The following THOC1 variants were observed in gnomAD, a reference collection of about 807,000 sequenced individuals.
THOC1 encodes THO complex 1.
THOC1 carries 29 observed loss-of-function variants against 97.3 expected under a neutral mutation model. The observed-to-expected ratio is 0.30, with a 90% CI of 0.22 to 0.41. THOC1 has a LOEUF of 0.41. THOC1 is among the 10% of genes least tolerant of loss of function. THOC1 has a pLI of 1.00. For missense variants in THOC1, 529 were observed against 761.9 expected (o/e 0.69, Z 3.60); for synonymous variants, 255 against 257.0 (o/e 0.99, Z 0.07).
chr18:235,395 A>G (rs1377489718), intron 11 of THOC1, among the ~76,000 whole-genome samples: 1 of 151,892 alleles, frequency 6.6e-6, no homozygotes, highest in African/African-American at 2.4e-5. Flanking sequence ...TTTATTTTGT[A>G]CTTTTTCTAA....
chr18:230,988 G>A (rs1911466762), intron 11 of THOC1, among the ~76,000 whole-genome samples: 1 of 152,172 alleles, frequency 6.6e-6, no homozygotes. Context: ...TGAACTTCAA[G>A]CAATCCTGCA....
At chr18:266,761 T>G (rs1912782540) in intron 1 of THOC1, among the ~76,000 whole-genome samples, 1 of 152,184 alleles carries the variant, frequency 6.6e-6, no homozygotes, top group Non-Finnish European at 1.5e-5. Context: ...GGCCTTGAAC[T>G]CTTGACCTCA....
chr18:232,405 T>C (rs534674870), intron 11 of THOC1, among the ~76,000 whole-genome samples: 4 of 152,156 alleles, frequency 2.6e-5, no homozygotes, highest in South Asian at 2.1e-4. Context: ...AAAAATTATC[T>C]ACAAAAATAG....
chr18:229,520 A>T (rs923070656), intron 11 of THOC1, among the ~76,000 whole-genome samples: 13 of 16,888 alleles, frequency 7.7e-4, no homozygotes, highest in South Asian at 8.1e-3. Flanking sequence ...TCTCTATTTA[A>T]AAAAAAAAAA....
intron 11 of THOC1, among the ~76,000 whole-genome samples, chr18:244,125 A>G (rs12373326): frequency 0.22 from 32,733 of 152,024 alleles, 3,989 homozygotes; most frequent in South Asian, 0.35. Flanking sequence ...GGACTGCCAT[A>G]ATTTTAAATT....
chr18:263,993 A>G lies in THOC1; in HGVS notation c.256+33T>C, dbSNP rs766671495. On this transcript the variant is annotated intron_variant, in intron 4 of 20. Transcript: ENST00000261600. ...AATAAAGCATGTCATGTCCAAGATT[A>G]CTTTAAACAAAACAAAACGGAACCA... is the stretch of plus-strand genomic sequence containing the variant. 3 of 1,506,790 alleles carry G rather than the reference A, an allele frequency of 2.0e-6. No individual in the cohort carries two copies. In the African/African-American group the frequency reaches 4.1e-5, roughly 21 times the overall value. The allele number at this position is 1,506,790 out of a possible 1,614,324, so 93.3% of individuals were successfully genotyped here. A position where few individuals can be genotyped will look rare whatever the true frequency, so the allele number is the denominator to read the frequency against.
intron 9 of THOC1, among the ~76,000 whole-genome samples, chr18:250,974 A>C (rs1261321498): frequency 6.6e-6 from 1 of 152,126 alleles, no homozygotes; most frequent in African/African-American, 2.4e-5. Flanking sequence ...TACTTTATTC[A>C]TGTATAATGA....
intron 19 of THOC1, chr18:215,792 G>T: frequency 3.0e-6 from 1 of 338,922 alleles, no homozygotes; most frequent in South Asian, 4.5e-5. Flanking sequence ...AATACCCAGG[G>T]TTTATTTAGT....
intron 11 of THOC1, among the ~76,000 whole-genome samples, chr18:233,162 T>A (rs1214117014): frequency 6.6e-6 from 1 of 152,254 alleles, no homozygotes; most frequent in Non-Finnish European, 1.5e-5. Context: ...TTCTTCTAAA[T>A]GTTTAAAAGT....
chr18:233,442 C>T (rs1314381036), intron 11 of THOC1, among the ~76,000 whole-genome samples: 1 of 152,090 alleles, frequency 6.6e-6, no homozygotes, highest in Admixed American at 6.6e-5. Context: ...TAAAATTACC[C>T]GGGCATGGTG....
intron 17 of THOC1, among the ~76,000 whole-genome samples, chr18:222,637 T>C (rs1170619053): frequency 6.6e-6 from 1 of 151,978 alleles, no homozygotes; most frequent in Non-Finnish European, 1.5e-5. Flanking sequence ...TTAATGATAG[T>C]TGAGGAGGTC....
rs1327201612 is a variant in THOC1 at position 216,365 on chromosome 18, ATGGGAG to A, written c.1602+115_1602+120del. On this transcript the variant is annotated intron_variant, in intron 19 of 20. Coordinates refer to ENST00000261600, the MANE Select transcript of THOC1 (RefSeq NM_005131.3). The stretch of plus-strand genomic sequence containing the variant: ...ATGTGTTTTTCCCTCATTCTAAAAC[ATGGGAG>A]CTTGTGGATCACTGGTTTTTCACAT... The A allele has an allele frequency of 2.1e-5, 23 of 1,085,690 alleles. No homozygotes were observed. The African/African-American group carries it at 3.2e-4, about 15-fold the overall frequency. The allele number at this position is 1,085,690 out of a possible 1,614,324, so 67.3% of individuals were successfully genotyped here.
intron 11 of THOC1, among the ~76,000 whole-genome samples, chr18:236,350 C>CTTT (rs71174215): frequency 1.5e-4 from 13 of 88,360 alleles, no homozygotes; most frequent in African/African-American, 3.3e-4. Context: ...GAATAAGATT[C>CTTT]TTTTTTTTTT....
chr18:259,427 A>G (rs1284736112), intron 6 of THOC1, among the ~76,000 whole-genome samples, 152 bp from the exon 7 acceptor site: 1 of 152,146 alleles, frequency 6.6e-6, no homozygotes, highest in Non-Finnish European at 1.5e-5. Flanking sequence ...ACAAAAAAGT[A>G]CTATAAATTA....
rs929042081 is a variant in THOC1, at chr18:225,085, A to G, written c.1137+4T>C. ...AAGAGGATGTAAGCATAAAAAACAC[A>G]TACCTCTACCATCTTTGAAAATCTT... is the stretch of plus-strand genomic sequence containing the variant. On this transcript the variant is annotated splice_donor_region_variant and intron_variant, in intron 14 of 20. Transcript: ENST00000261600. 6 of 1,574,194 alleles carry G rather than the reference A, an allele frequency of 3.8e-6. No individual in the cohort carries two copies. Among genetic ancestry groups the G allele is most frequent in the Non-Finnish European group, 5.2e-6 (6 of 1,157,666 alleles).
chr18:215,369 C>G, intron 20 of THOC1, 60 bp downstream of exon 20: 1 of 1,301,366 alleles, frequency 7.7e-7, no homozygotes, highest in South Asian at 1.2e-5. Context: ...ATGTACCTAT[C>G]AACAAAGAAC....
intron 1 of THOC1, among the ~76,000 whole-genome samples, chr18:267,763 G>A (rs1053998797): frequency 1.1e-4 from 17 of 152,288 alleles, no homozygotes; most frequent in African/African-American, 3.4e-4. Flanking sequence ...GAGGGTGGGC[G>A]GAGGCGGACG....
chr18:265,654 T>C (rs1912744552), intron 1 of THOC1, 124 bp from the exon 2 acceptor site: 1 of 678,160 alleles, frequency 1.5e-6, no homozygotes, highest in East Asian at 2.8e-5. Context: ...AAAAATTACC[T>C]ATCAGTCATT....
chr18:260,470 T>C, intron 4 of THOC1, 166 bp from the exon 5 acceptor site: 1 of 464,818 alleles, frequency 2.2e-6, no homozygotes, highest in Non-Finnish European at 3.8e-6. Context: ...AAATAGGACA[T>C]ACTTAAGTAA....
Sources: allele counts gnomAD v4.1 joint callset (sites outside exome capture counted in the v4.1 genomes callset), GRCh38; gene constraint gnomAD v4.1.1; transcripts MANE v1.5; gene names NCBI Gene and HGNC (gene_info 2026-07-23, HGNC 2026-07-21).